The following WWOX variants were observed in gnomAD, a reference collection of about 807,000 sequenced individuals.
The protein encoded by WWOX is WW domain-containing oxidoreductase.
WWOX carries 69 observed loss-of-function variants against 46.2 expected under a neutral mutation model. The ratio of observed to expected loss-of-function variants is 1.49; its 90% confidence interval spans 1.23 to 1.82. The LOEUF (loss-of-function observed/expected upper bound fraction) is 1.82, where lower values mean the gene tolerates loss of function less well. Among genes scored for constraint, WWOX ranks in the 40% most tolerant of loss-of-function variants. The probability of loss-of-function intolerance (pLI) is 0.00; values close to 1 mark genes in which losing one functional copy is unlikely to be tolerated. For synonymous variants in WWOX, 359 were observed against 202.6 expected (o/e 1.77, Z -6.56); for missense variants, 919 against 542.6 (o/e 1.69, Z -6.89).
intron 8 of WWOX, among the ~76,000 whole-genome samples, chr16:79,096,744 C>T (rs1296018643): frequency 6.6e-6 from 1 of 152,168 alleles, no homozygotes; most frequent in Admixed American, 6.6e-5. Context: ...GGTATTTCAC[C>T]TGTTTTGTTT....
chr16:79,023,849 G>C (rs760517500), intron 8 of WWOX, among the ~76,000 whole-genome samples: 1 of 151,700 alleles, frequency 6.6e-6, no homozygotes, highest in Non-Finnish European at 1.5e-5. Flanking sequence ...CCAGCTACTC[G>C]GGAGGCTGAG....
intron 8 of WWOX, among the ~76,000 whole-genome samples, chr16:78,677,240 A>G (rs2047622996): frequency 6.6e-6 from 1 of 152,154 alleles, no homozygotes; most frequent in Non-Finnish European, 1.5e-5. Context: ...GCCTCAGGGT[A>G]TAGGGGTCAG....
chr16:78,137,003 G>T (rs565118261), intron 4 of WWOX, among the ~76,000 whole-genome samples: 45 of 152,268 alleles, frequency 3.0e-4, no homozygotes, highest in African/African-American at 1.1e-3. Flanking sequence ...GCAGAGCTGC[G>T]TGTGCCCGGT....
chr16:79,035,630 C>T (rs542131556), intron 8 of WWOX, among the ~76,000 whole-genome samples: 22 of 152,282 alleles, frequency 1.4e-4, no homozygotes, highest in African/African-American at 5.1e-4. Context: ...ACCTCGTCTC[C>T]CGGGTTCAAG....
rs534269002 is a variant in WWOX at position 78,819,207 on chromosome 16, C to A, written c.1056+386455C>A. Among the ~76,000 whole-genome samples the A allele has an allele frequency of 2.0e-5, 3 of 152,226 alleles. No homozygotes were observed. The South Asian group carries it at 6.2e-4, about 32-fold the overall frequency. On this transcript the variant is annotated intron_variant, in intron 8 of 8. Coordinates refer to ENST00000566780, the MANE Select transcript of WWOX (RefSeq NM_016373.4). ...CATCAGGTTCCCAGGTGAAATGAGCCCCGGCTCAGCAGGCCAGTTGTCTTC... is the reference window on the plus strand; with the variant it reads ...CATCAGGTTCCCAGGTGAAATGAGCACCGGCTCAGCAGGCCAGTTGTCTTC...
chr16:78,148,221 C>G (rs768881479), intron 4 of WWOX, among the ~76,000 whole-genome samples: 1 of 152,104 alleles, frequency 6.6e-6, no homozygotes, highest in Non-Finnish European at 1.5e-5. Flanking sequence ...TCTAAACAAC[C>G]AGAAACACTT....
intron 8 of WWOX, among the ~76,000 whole-genome samples, chr16:78,918,042 A>G (rs998512276): frequency 6.6e-6 from 1 of 152,060 alleles, no homozygotes; most frequent in Non-Finnish European, 1.5e-5. Flanking sequence ...CCTCTACAAA[A>G]TATTTTAAAA....
chr16:78,415,226 A>C (rs1334708192), intron 6 of WWOX, among the ~76,000 whole-genome samples: 1 of 151,902 alleles, frequency 6.6e-6, no homozygotes, highest in African/African-American at 2.4e-5. Context: ...ATATAGGGTA[A>C]CTTCTTGATG....
intron 8 of WWOX, among the ~76,000 whole-genome samples, chr16:78,606,999 G>A (rs868094921): frequency 1.3e-4 from 19 of 151,932 alleles, no homozygotes; most frequent in African/African-American, 3.9e-4. Flanking sequence ...TTTTGTTTTT[G>A]TCTGTCTGCC....
At position 78,995,392 on chromosome 16, in the gene WWOX, G is replaced by T. The variant is rs910786741; in HGVS notation, c.1057-216216G>T. ...ACTGCGTTCTTTGGGGTAGGACATG[G>T]AATGGGAAGATGAAAAGAAAGCCTT... On this transcript the variant is annotated intron_variant, in intron 8 of 8. Coordinates refer to ENST00000566780, the MANE Select transcript of WWOX (RefSeq NM_016373.4). Among the ~76,000 whole-genome samples the T allele has an allele frequency of 2.6e-5, 4 of 152,064 alleles. No individual in the cohort carries two copies. The South Asian group carries it at 8.3e-4, about 32-fold the overall frequency.
At chr16:78,677,385 C>A (rs1468748282) in intron 8 of WWOX, among the ~76,000 whole-genome samples, 3 of 152,172 alleles carry the variant, frequency 2.0e-5, no homozygotes, top group South Asian at 4.1e-4. Context: ...AAATTTTGGC[C>A]TGCATCCTGT....
chr16:78,848,232 G>A (rs1028286313), intron 8 of WWOX, among the ~76,000 whole-genome samples: 1 of 152,204 alleles, frequency 6.6e-6, no homozygotes, highest in Non-Finnish European at 1.5e-5. Flanking sequence ...AAACAAGTAA[G>A]AGTAACTTTG....
intron 8 of WWOX, among the ~76,000 whole-genome samples, chr16:79,172,953 C>A (rs1182636119): frequency 6.6e-6 from 1 of 152,074 alleles, no homozygotes. Flanking sequence ...CCTGGGACGT[C>A]AAGGCTGCAG....
At chr16:78,371,069 A>G (rs1412827445) in intron 5 of WWOX, among the ~76,000 whole-genome samples, 2 of 145,306 alleles carry the variant, frequency 1.4e-5, no homozygotes, top group African/African-American at 5.1e-5. Flanking sequence ...TCATCCTTTA[A>G]TTAGCATTCA....
At chr16:78,376,987 G>A (rs892387845) in intron 5 of WWOX, among the ~76,000 whole-genome samples, 1 of 152,092 alleles carries the variant, frequency 6.6e-6, no homozygotes, top group Non-Finnish European at 1.5e-5. Context: ...TGCGACTTGC[G>A]GCAATCACCA....
At chr16:78,940,659 C>T (rs1331038540) in intron 8 of WWOX, among the ~76,000 whole-genome samples, 3 of 141,422 alleles carry the variant, frequency 2.1e-5, no homozygotes, top group Non-Finnish European at 4.5e-5. Flanking sequence ...GTCTTTCTTT[C>T]TTTTCTTAGG....
intron 6 of WWOX, among the ~76,000 whole-genome samples, chr16:78,408,228 A>G (rs955872649): frequency 1.7e-4 from 26 of 151,992 alleles, no homozygotes; most frequent in African/African-American, 6.3e-4. Flanking sequence ...CCTTTCACCT[A>G]TTTTACATAT....
chr16:78,853,366 C>G (rs1013110738), intron 8 of WWOX, among the ~76,000 whole-genome samples: 4 of 152,102 alleles, frequency 2.6e-5, no homozygotes, highest in Admixed American at 6.6e-5. Context: ...GCGCATGCCA[C>G]GAAGCCCGAC....
intron 8 of WWOX, among the ~76,000 whole-genome samples, chr16:78,781,261 C>A (rs552401215): frequency 6.6e-6 from 1 of 152,108 alleles, no homozygotes; most frequent in Non-Finnish European, 1.5e-5. Flanking sequence ...GGGCACTCAG[C>A]TATAAATAGA....
Sources: gnomAD v4.1 joint callset for allele counts (sites outside exome capture counted in the v4.1 genomes callset) on GRCh38, gnomAD v4.1.1 for gene constraint, MANE v1.5 for transcripts, NCBI Gene and HGNC (gene_info 2026-07-23, HGNC 2026-07-21) for gene names.